PCDH9: variants seen among roughly 807,000 people sequenced by gnomAD.
The protein encoded by PCDH9 is protocadherin 9, also known as protocadherin-9.
A neutral mutation model predicts 70.6 loss-of-function variants in PCDH9; 24 were observed. That is an observed-to-expected ratio of 0.34 (90% CI 0.25 to 0.48). PCDH9 has a LOEUF of 0.48. Ranked by LOEUF, PCDH9 falls within the 20% of genes least tolerant of loss-of-function variation. The pLI, the probability that PCDH9 is intolerant of heterozygous loss-of-function variation, is 0.99. For missense variants in PCDH9, 1,281 were observed against 1,503.6 expected, an observed-to-expected ratio of 0.85 and a Z score of 2.45; for synonymous variants, 562 against 558.5, an observed-to-expected ratio of 1.01 and a Z score of -0.09.
intron 4 of PCDH9, among the ~76,000 whole-genome samples, chr13:66,375,905 C>CA (rs550509599): frequency 1.4e-4 from 21 of 151,962 alleles, no homozygotes; most frequent in Admixed American, 4.6e-4. Flanking sequence ...AAAACAACAA[C>CA]AAAAAAATAG....
intron 2 of PCDH9, among the ~76,000 whole-genome samples, chr13:67,101,159 A>C (rs904767198): frequency 6.6e-6 from 1 of 152,206 alleles, no homozygotes; most frequent in East Asian, 1.9e-4. Flanking sequence ...CAGGTAAAAC[A>C]ATATAGTAAA....
intron 3 of PCDH9, among the ~76,000 whole-genome samples, chr13:66,860,886 T>C (rs2081471358): frequency 6.6e-6 from 1 of 152,094 alleles, no homozygotes. Context: ...ATAACAATAA[T>C]AGAAAGAATA....
intron 4 of PCDH9, among the ~76,000 whole-genome samples, chr13:66,360,440 C>T (rs578253670): frequency 3.0e-4 from 45 of 152,094 alleles, no homozygotes; most frequent in Non-Finnish European, 4.0e-4. Context: ...TGCCTATTCT[C>T]TACTAAAACA....
chr13:66,925,879 A>T (rs1319309430), intron 2 of PCDH9, among the ~76,000 whole-genome samples: 1 of 152,002 alleles, frequency 6.6e-6, no homozygotes, highest in Non-Finnish European at 1.5e-5. Flanking sequence ...TTATGTACAC[A>T]TGATCATCTG....
intron 4 of PCDH9, among the ~76,000 whole-genome samples, chr13:66,609,285 T>C (rs1055407621): frequency 2.0e-5 from 3 of 152,170 alleles, no homozygotes; most frequent in Non-Finnish European, 4.4e-5. Flanking sequence ...AGAAAATTGA[T>C]TTATGTATCA....
At chr13:66,452,755 T>C (rs901219165) in intron 4 of PCDH9, among the ~76,000 whole-genome samples, 7 of 152,148 alleles carry the variant, frequency 4.6e-5, no homozygotes, top group African/African-American at 7.2e-5. Context: ...ATCATATTAG[T>C]GGCCCCTGAG....
chr13:66,622,295 G>A (rs990922875), intron 4 of PCDH9, among the ~76,000 whole-genome samples: 17 of 152,140 alleles, frequency 1.1e-4, no homozygotes, highest in African/African-American at 3.1e-4. Flanking sequence ...GCTCCACGGC[G>A]CCCAGTCCCA....
intron 4 of PCDH9, among the ~76,000 whole-genome samples, chr13:66,404,725 G>A (rs1957250278): frequency 6.6e-6 from 1 of 151,904 alleles, no homozygotes; most frequent in Non-Finnish European, 1.5e-5. Flanking sequence ...ATTTTTGGAG[G>A]GAGAGTAGAA....
intron 2 of PCDH9, among the ~76,000 whole-genome samples, chr13:66,982,473 G>C (rs1240187290): frequency 6.6e-6 from 1 of 152,092 alleles, no homozygotes; most frequent in Non-Finnish European, 1.5e-5. Flanking sequence ...TTGAATATAA[G>C]AGCTACATTA....
intron 3 of PCDH9, among the ~76,000 whole-genome samples, chr13:66,723,091 C>T (rs2078963064): frequency 6.6e-6 from 1 of 151,828 alleles, no homozygotes; most frequent in African/African-American, 2.4e-5. Flanking sequence ...ATAATAAATC[C>T]TCCCACATTT....
chr13:66,769,199 A>T (rs2079764930), intron 3 of PCDH9, among the ~76,000 whole-genome samples: 2 of 152,116 alleles, frequency 1.3e-5, no homozygotes, highest in Non-Finnish European at 2.9e-5. Context: ...CCAGTAAAGG[A>T]AATAATAAAG....
intron 3 of PCDH9, among the ~76,000 whole-genome samples, chr13:66,845,221 G>A (rs2081186648): frequency 6.6e-6 from 1 of 152,138 alleles, no homozygotes; most frequent in Admixed American, 6.5e-5. Flanking sequence ...ATGCTAAGGG[G>A]CAGCTGTAGG....
At chr13:66,727,998 T>G (rs572197067) in intron 3 of PCDH9, among the ~76,000 whole-genome samples, 1 of 152,146 alleles carries the variant, frequency 6.6e-6, no homozygotes, top group Non-Finnish European at 1.5e-5. Context: ...AAATTTATTT[T>G]ATTTCAAAAT....
intron 3 of PCDH9, among the ~76,000 whole-genome samples, chr13:66,663,548 G>A (rs7986570): frequency 0.57 from 86,444 of 151,998 alleles, 24,903 homozygotes; most frequent in African/African-American, 0.65. Context: ...GTTCTAAAAT[G>A]TTGTTAATTA....
intron 3 of PCDH9, among the ~76,000 whole-genome samples, chr13:66,899,554 G>C (rs1463178879): frequency 1.3e-5 from 2 of 152,008 alleles, no homozygotes; most frequent in African/African-American, 4.8e-5. Context: ...TACTCATACT[G>C]AGATGCAGTC....
chr13:66,673,017 T>TG (rs779063224), intron 3 of PCDH9, among the ~76,000 whole-genome samples: 4 of 152,078 alleles, frequency 2.6e-5, no homozygotes, highest in Non-Finnish European at 5.9e-5. Context: ...GTTAAGACTT[T>TG]GGGGGGCTGT....
chr13:66,854,076 T>TC (rs1256491422), intron 3 of PCDH9, among the ~76,000 whole-genome samples: 1 of 152,198 alleles, frequency 6.6e-6, no homozygotes, highest in Non-Finnish European at 1.5e-5. Flanking sequence ...AAAATGCTGT[T>TC]CTTTTAGCTA....
intron 4 of PCDH9, among the ~76,000 whole-genome samples, chr13:66,474,279 G>C (rs982405374): frequency 3.3e-5 from 5 of 152,138 alleles, no homozygotes; most frequent in Non-Finnish European, 5.9e-5. Context: ...CGATTAATAA[G>C]ATAGCTCTTA....
chr13:67,187,565 T>G (rs2088791151), intron 2 of PCDH9, among the ~76,000 whole-genome samples: 1 of 152,152 alleles, frequency 6.6e-6, no homozygotes. Context: ...TCCTACATTT[T>G]ATACAACTCT....
Sources: allele counts gnomAD v4.1 joint callset (sites outside exome capture counted in the v4.1 genomes callset), GRCh38; gene constraint gnomAD v4.1.1; transcripts MANE v1.5; gene names NCBI Gene and HGNC (gene_info 2026-07-23, HGNC 2026-07-21).